CREG2: variants seen among roughly 807,000 people sequenced by gnomAD.
CREG2 encodes cellular repressor of E1A stimulated genes 2.
Under a neutral mutation model 26.2 loss-of-function variants are expected in CREG2, and 24 were observed. The ratio of observed to expected loss-of-function variants is 0.92; its 90% CI spans 0.66 to 1.29. CREG2 has a LOEUF of 1.29. Ranked by LOEUF, CREG2 falls within the 50% of genes most tolerant of loss-of-function variation. CREG2 has a pLI of 0.00. For missense variants in CREG2, 366 were observed against 398.6 expected, an observed-to-expected ratio of 0.92 and a Z score of 0.70; for synonymous variants, 174 against 169.2, an observed-to-expected ratio of 1.03 and a Z score of -0.22.
In CREG2 at chr2:101,387,190, CCGCCCGGGGCCGCAGGTGCG is replaced by C. The variant is rs1214656361; in HGVS notation, c.248_267del (p.Ala83GlyfsTer32). 92 of 1,346,970 alleles carry C rather than the reference CCGCCCGGGGCCGCAGGTGCG, an allele frequency of 6.8e-5. No individual in the cohort carries two copies. Among genetic ancestry groups the C allele is most frequent in the Non-Finnish European group, 8.4e-5 (87 of 1,038,302 alleles). The allele number at this position is 1,346,970 out of a possible 1,614,324, so 83.4% of individuals were successfully genotyped here. ...GGGGGCGGCCTGGCCCGGGCGGCGC[CCGCCCGGGGCCGCAGGTGCG>C]CGTCCTCCTTGTGGGCAGAGGCGGG... On this transcript the variant is annotated frameshift_variant, in exon 1 of 4. Transcript: ENST00000324768. LOFTEE classifies it high-confidence loss of function. This position sits in a 1 kb window ranked among gnomAD's most constrained non-coding sequence, Gnocchi z 4.7.
In CREG2 at chr2:101,350,879, G is replaced by A. The variant is rs1684371173; in HGVS notation, c.*44C>T. ...GCTGTCTGGCTGCATCACTGAAAAG[G>A]TTTTCATTTAAGTGCAAACACCAAG... is the stretch of plus-strand genomic sequence containing the variant. On this transcript the variant is annotated 3_prime_UTR_variant, in exon 4 of 4. Coordinates refer to ENST00000324768, the MANE Select transcript of CREG2 (RefSeq NM_153836.4). The A allele has an allele frequency of 6.2e-7, 1 of 1,604,908 alleles. No individual in the cohort carries two copies.
intron 3 of CREG2, among the ~76,000 whole-genome samples, chr2:101,354,306 G>A (rs755064122): frequency 7.9e-5 from 12 of 152,140 alleles, no homozygotes; most frequent in East Asian, 3.9e-4. Flanking sequence ...ACACACACAC[G>A]CACACTGACA....
In CREG2 at chr2:101,347,348, G is replaced by A. The variant is rs1480569956; in HGVS notation, c.*3575C>T. ...TGTATAAATGCCCAGGAGCAATTGAGGGTCAGTATGGCAGTTGTATGTTTA... is the reference window on the plus strand; with the variant it reads ...TGTATAAATGCCCAGGAGCAATTGAAGGTCAGTATGGCAGTTGTATGTTTA... On this transcript the variant is annotated 3_prime_UTR_variant, in exon 4 of 4. Transcript: ENST00000324768. 1 of 152,176 alleles carries A rather than the reference G, an allele frequency of 6.6e-6. No homozygotes were observed. Among genetic ancestry groups the A allele is most frequent in the East Asian group, 1.9e-4 (1 of 5,198 alleles). 9.4% of individuals were successfully genotyped at this position (152,176 alleles called of 1,614,324 possible). A position where few individuals can be genotyped will look rare whatever the true frequency, so the allele number is the denominator to read the frequency against.
intron 2 of CREG2, among the ~76,000 whole-genome samples, chr2:101,356,051 C>G (rs1353714943): frequency 1.3e-5 from 2 of 152,096 alleles, no homozygotes; most frequent in Non-Finnish European, 2.9e-5. Flanking sequence ...GGAAGTGGCT[C>G]TCAGCAGAAG....
At chr2:101,362,110 G>T (rs1325074899) in intron 2 of CREG2, among the ~76,000 whole-genome samples, 3 of 152,108 alleles carry the variant, frequency 2.0e-5, no homozygotes, top group Non-Finnish European at 4.4e-5. Context: ...CAGCAAATTT[G>T]GTCACGAAAG....
At chr2:101,369,383 G>C (rs1684668995) in intron 2 of CREG2, among the ~76,000 whole-genome samples, 1 of 152,158 alleles carries the variant, frequency 6.6e-6, no homozygotes, top group South Asian at 2.1e-4. Flanking sequence ...AGGGAGCCCA[G>C]GTAGAGGAGG....
intron 2 of CREG2, among the ~76,000 whole-genome samples, chr2:101,377,724 C>T (rs1457417559): frequency 6.6e-6 from 1 of 152,164 alleles, no homozygotes; most frequent in Non-Finnish European, 1.5e-5. Context: ...TAGATTCCCA[C>T]CCCTAATTCA....
At chr2:101,363,689 A>T (rs970323657) in intron 2 of CREG2, among the ~76,000 whole-genome samples, 3 of 152,158 alleles carry the variant, frequency 2.0e-5, no homozygotes, top group Non-Finnish European at 2.9e-5. Context: ...TTTTTTTATA[A>T]TATAGAGAAA....
intron 2 of CREG2, among the ~76,000 whole-genome samples, chr2:101,377,041 G>A (rs1043667935): frequency 6.6e-6 from 1 of 152,102 alleles, no homozygotes; most frequent in African/African-American, 2.4e-5. Context: ...CCTTGGAGAT[G>A]TATCAAAATA....
At position 101,345,780 on chromosome 2, in the gene CREG2, G is replaced by T. The variant is rs1284123767; in HGVS notation, c.*5143C>A. 1 of 151,428 alleles carries T rather than the reference G, an allele frequency of 6.6e-6. No individual in the cohort carries two copies. Among genetic ancestry groups the T allele is most frequent in the Non-Finnish European group, 1.5e-5 (1 of 67,908 alleles). The allele number at this position is 151,428 out of a possible 1,614,324, so 9.4% of individuals were successfully genotyped here. Reference sequence around the variant, plus strand: ...AGGTTTTATTTTCAGAACAGTATTTGATAGTTCAATTATTTAAATAAATAC... The same window carrying T: ...AGGTTTTATTTTCAGAACAGTATTTTATAGTTCAATTATTTAAATAAATAC... On this transcript the variant is annotated 3_prime_UTR_variant, in exon 4 of 4. Coordinates refer to ENST00000324768, the MANE Select transcript of CREG2 (RefSeq NM_153836.4).
intron 2 of CREG2, among the ~76,000 whole-genome samples, chr2:101,361,983 C>G (rs1011704044): frequency 2.0e-5 from 3 of 152,194 alleles, no homozygotes; most frequent in Non-Finnish European, 4.4e-5. Flanking sequence ...CCACTTCCCT[C>G]TCACACGCAG....
At position 101,350,748 on chromosome 2, in the gene CREG2, C is replaced by A; in HGVS notation, c.*175G>T. The A allele has an allele frequency of 1.6e-6, 1 of 640,644 alleles. No homozygotes were observed. The highest frequency in any genetic ancestry group is 2.7e-6 in the Non-Finnish European group (1 of 369,034). 39.7% of individuals were successfully genotyped at this position (640,644 alleles called of 1,614,324 possible). ...TGAGTTGGAGATCTGCAAATGACCACTTTAATCTCAAATCTAGCATAGAGT... is the reference window on the plus strand; with the variant it reads ...TGAGTTGGAGATCTGCAAATGACCAATTTAATCTCAAATCTAGCATAGAGT... On this transcript the variant is annotated 3_prime_UTR_variant, in exon 4 of 4. Transcript: ENST00000324768.
Position 101,387,060 on chromosome 2 carries a change from G to A in CREG2, c.398C>T (p.Ala133Val), listed in dbSNP as rs1051625142. ...GGTGGCCAGGCAGCCCCAGACGCTG[G>A]CATGGGCCAGGGAGCGGGCGGTGGC... ...RAATARSLAHASVWGCLATVS... is the reference protein window; with the variant it reads ...RAATARSLAHVSVWGCLATVS... The change falls in exon 1 of 4, where the codon GCC (alanine) becomes GTC (valine). Residue 133 changes from alanine (A) to valine (V), a missense_variant. By Grantham distance (64) the Ala-to-Val change is moderately conservative. Around this residue, in one of 3 missense-constraint regions of CREG2, gnomAD observed 15 missense variants for 37.2 expected, o/e 0.40. Transcript: ENST00000324768. The surrounding 1 kb of genome is among the most constrained non-coding windows in gnomAD (Gnocchi z 4.7). 8.9e-6 allele frequency: 11 copies of A among 1,233,144 alleles called. No individual in the cohort carries two copies. In the South Asian group the frequency reaches 3.7e-4, roughly 41 times the overall value. 76.4% of individuals were successfully genotyped at this position (1,233,144 alleles called of 1,614,324 possible).
intron 2 of CREG2, among the ~76,000 whole-genome samples, chr2:101,364,751 C>G (rs1684595785): frequency 6.6e-6 from 1 of 152,116 alleles, no homozygotes; most frequent in African/African-American, 2.4e-5. Context: ...GGTGCAGGAA[C>G]AGAGGAGGTG....
intron 2 of CREG2, among the ~76,000 whole-genome samples, chr2:101,362,634 G>A (rs571154516): frequency 4.8e-4 from 73 of 152,280 alleles, no homozygotes; most frequent in African/African-American, 1.6e-3. Flanking sequence ...CAACTTGAGC[G>A]AGCTTACTTA....
intron 2 of CREG2, among the ~76,000 whole-genome samples, chr2:101,362,411 C>A (rs1015204053): frequency 5.3e-5 from 8 of 152,180 alleles, no homozygotes; most frequent in Non-Finnish European, 1.5e-5. Context: ...TTCTTTAAGT[C>A]CATATGAGCT....
At chr2:101,381,792 C>T (rs1684878407) in intron 2 of CREG2, among the ~76,000 whole-genome samples, 2 of 152,208 alleles carry the variant, frequency 1.3e-5, no homozygotes, top group South Asian at 4.1e-4. Flanking sequence ...CCCAGTTAGC[C>T]AGGGGGCTGC....
intron 2 of CREG2, chr2:101,375,684 C>T (rs564670241): frequency 4.1e-5 from 8 of 195,412 alleles, no homozygotes; most frequent in East Asian, 1.4e-4. Context: ...GGCATTTCCT[C>T]GGGACCACCC....
chr2:101,359,980 CTGTT>C (rs1347051528), intron 2 of CREG2, among the ~76,000 whole-genome samples: 5 of 152,204 alleles, frequency 3.3e-5, no homozygotes, highest in Non-Finnish European at 5.9e-5. Flanking sequence ...AAACTAAAGT[CTGTT>C]TGATTCCATG....
Sources: gnomAD v4.1 joint callset for allele counts (sites outside exome capture counted in the v4.1 genomes callset) on GRCh38, gnomAD v4.1.1 for gene constraint, gnomAD v4.1.1 regional missense constraint, Gnocchi (gnomAD v3.1) non-coding constraint, MANE v1.5 for transcripts, NCBI Gene and HGNC (gene_info 2026-07-23, HGNC 2026-07-21) for gene names.